The following HYDIN variants were observed in gnomAD, a reference collection of about 807,000 sequenced individuals.
HYDIN encodes axonemal central pair apparatus protein HYDIN.
In HYDIN, 132 loss-of-function variants were observed where a neutral mutation model predicts 403.9. The ratio of observed to expected loss-of-function variants is 0.33; its 90% CI spans 0.28 to 0.38. The LOEUF (loss-of-function observed/expected upper bound fraction) is 0.38, where lower values mean the gene tolerates loss of function less well. HYDIN is among the 10% of genes least tolerant of loss of function. HYDIN has a pLI of 1.00. For synonymous variants in HYDIN, 1,202 were observed against 1,891.7 expected (o/e 0.64, Z 9.46); for missense variants, 2,827 against 5,009.5 (o/e 0.56, Z 13.15).
intron 75 of HYDIN, among the ~76,000 whole-genome samples, chr16:70,841,696 C>T (rs1597096218): frequency 6.6e-6 from 1 of 152,040 alleles, no homozygotes; most frequent in Admixed American, 6.6e-5. Context: ...CCTTCTTGCT[C>T]TCTCTCTCTG....
chr16:70,925,938 A>T (rs2077140241), intron 45 of HYDIN, among the ~76,000 whole-genome samples: 1 of 148,938 alleles, frequency 6.7e-6, no homozygotes, highest in African/African-American at 2.4e-5. Flanking sequence ...TTAGAATGGC[A>T]ATCATTAAAA....
intron 19 of HYDIN, among the ~76,000 whole-genome samples, chr16:71,028,532 G>A (rs1045750966): frequency 1.1e-4 from 17 of 151,126 alleles, no homozygotes; most frequent in South Asian, 2.1e-4. Context: ...CTAAGATCTC[G>A]GATATGGTTC....
chr16:70,822,143 C>T (rs554182988), intron 83 of HYDIN, among the ~76,000 whole-genome samples: 1 of 151,728 alleles, frequency 6.6e-6, no homozygotes, highest in Non-Finnish European at 1.5e-5. Context: ...TGGGTCTGGG[C>T]AAGGTAAACT....
At chr16:70,978,525 G>C (rs538771081) in intron 30 of HYDIN, among the ~76,000 whole-genome samples, 192 of 151,786 alleles carry the variant, frequency 1.3e-3, no homozygotes, top group African/African-American at 4.4e-3. Flanking sequence ...CTGATCTCTC[G>C]AATCTACTCT....
intron 46 of HYDIN, 130 bp downstream of exon 46, chr16:70,920,461 C>T: frequency 1.6e-6 from 1 of 625,896 alleles, no homozygotes; most frequent in East Asian, 2.8e-5. Flanking sequence ...GTCTTAATTC[C>T]AAGGGGGCAT....
At chr16:71,037,398 G>C (rs1051224447) in intron 18 of HYDIN, among the ~76,000 whole-genome samples, 1 of 151,874 alleles carries the variant, frequency 6.6e-6, no homozygotes, top group African/African-American at 2.4e-5. Flanking sequence ...CTATGGGGTT[G>C]TGACAGGCAG....
At chr16:71,159,560 G>A (rs532657603) in intron 6 of HYDIN, among the ~76,000 whole-genome samples, 2 of 84,096 alleles carry the variant, frequency 2.4e-5, no homozygotes, top group South Asian at 5.6e-4. Context: ...CCAAGCAAAA[G>A]CAAAACAAAA....
chr16:71,004,626 G>A (rs1597516108), intron 23 of HYDIN, among the ~76,000 whole-genome samples: 1 of 151,868 alleles, frequency 6.6e-6, no homozygotes, highest in East Asian at 1.9e-4. Flanking sequence ...TTAATATTTT[G>A]GTGAATGTTT....
At chr16:71,009,668 T>C (rs961886568) in intron 23 of HYDIN, among the ~76,000 whole-genome samples, 7 of 150,046 alleles carry the variant, frequency 4.7e-5, no homozygotes, top group Non-Finnish European at 7.4e-5. Context: ...TCCTGGAGTA[T>C]ATGAGTCAGC....
rs2035082309 is a variant in HYDIN, at chr16:70,805,831, G to A, written c.*1749C>T. Reference sequence around the variant, plus strand: ...TCCTCATCTATGGCTTCAGTTACCTGTGGTCAACTGTGGAATGAAAATATT... The same window carrying A: ...TCCTCATCTATGGCTTCAGTTACCTATGGTCAACTGTGGAATGAAAATATT... On this transcript the variant is annotated 3_prime_UTR_variant, in exon 86 of 86. Coordinates refer to ENST00000393567, the MANE Select transcript of HYDIN (RefSeq NM_001270974.2). 6.6e-6 allele frequency among the ~76,000 whole-genome samples: 1 copy of A among 152,172 alleles called. No homozygotes were observed. The highest frequency in any genetic ancestry group is 2.1e-4 in the South Asian group (1 of 4,832).
intron 78 of HYDIN, among the ~76,000 whole-genome samples, chr16:70,834,923 CAT>C (rs1355951563): frequency 4.1e-5 from 6 of 145,932 alleles, no homozygotes; most frequent in African/African-American, 7.6e-5. Flanking sequence ...TATATACACA[CAT>C]ATATGTATAT....
At chr16:71,007,126 C>T (rs2079914113) in intron 23 of HYDIN, among the ~76,000 whole-genome samples, 1 of 151,746 alleles carries the variant, frequency 6.6e-6, no homozygotes, top group African/African-American at 2.4e-5. Context: ...ACTGTGCTGC[C>T]CTTCCCTTAT....
chr16:70,825,350 T>C (rs1475073383), intron 83 of HYDIN, among the ~76,000 whole-genome samples: 1 of 150,308 alleles, frequency 6.7e-6, no homozygotes, highest in Non-Finnish European at 1.5e-5. Context: ...GTTTGGCAAC[T>C]TGATGGACCC....
At chr16:70,921,419 G>A (rs1043922519) in intron 45 of HYDIN, among the ~76,000 whole-genome samples, 1 of 152,188 alleles carries the variant, frequency 6.6e-6, no homozygotes, top group Admixed American at 6.5e-5. Context: ...GTCCTTCTCT[G>A]TTTGAGATCT....
In HYDIN at chr16:71,230,611, G is replaced by A. The variant is rs760595792; in HGVS notation, c.-73C>T. ...TTATTCTACCTCCATTCCCCGCCAA[G>A]ACCCCGCGTCCAACTCACAGACCCC... On this transcript the variant is annotated 5_prime_UTR_variant, in exon 1 of 86. Transcript: ENST00000393567. 2 of 1,535,998 alleles carry A rather than the reference G, an allele frequency of 1.3e-6. No homozygotes were observed. Among genetic ancestry groups the A allele is most frequent in the Non-Finnish European group, 1.7e-6 (2 of 1,146,844 alleles).
At chr16:71,168,327 A>AC (rs1226560872) in intron 5 of HYDIN, among the ~76,000 whole-genome samples, 8 of 147,044 alleles carry the variant, frequency 5.4e-5, no homozygotes, top group African/African-American at 2.0e-4. Context: ...TTCAAAAAAA[A>AC]AAAAAAAAAA....
chr16:70,986,533 T>G (rs952589373), intron 27 of HYDIN, among the ~76,000 whole-genome samples: 1 of 152,218 alleles, frequency 6.6e-6, no homozygotes, highest in African/African-American at 2.4e-5. Flanking sequence ...CACACATGCA[T>G]GCACACAATT....
chr16:70,945,974 G>A (rs1437478193), intron 41 of HYDIN, among the ~76,000 whole-genome samples: 1 of 152,118 alleles, frequency 6.6e-6, no homozygotes, highest in Non-Finnish European at 1.5e-5. Context: ...GAGAGAGGAG[G>A]TAATAGGCGG....
chr16:70,817,676 C>T (rs969599971), intron 84 of HYDIN, among the ~76,000 whole-genome samples: 10 of 152,152 alleles, frequency 6.6e-5, no homozygotes, highest in Non-Finnish European at 1.3e-4. Context: ...TGTGTGTGTG[C>T]GCACACTATT....
Sources: allele counts gnomAD v4.1 joint callset (sites outside exome capture counted in the v4.1 genomes callset), GRCh38; gene constraint gnomAD v4.1.1; transcripts MANE v1.5; gene names NCBI Gene and HGNC (gene_info 2026-07-23, HGNC 2026-07-21).